Variants in DGKB observed in about 807,000 individuals in gnomAD.
The protein encoded by DGKB is 90 kDa diacylglycerol kinase.
DGKB carries 67 observed loss-of-function variants against 114.3 expected under a neutral mutation model. The ratio of observed to expected loss-of-function variants is 0.59; its 90% CI spans 0.48 to 0.72. The LOEUF is 0.72. Among genes scored for constraint, DGKB ranks in the 30% least tolerant of loss-of-function variants. DGKB has a pLI of 0.00. For synonymous variants in DGKB, 398 were observed against 323.1 expected (o/e 1.23, Z -2.49); for missense variants, 907 against 975.2 (o/e 0.93, Z 0.93).
chr7:14,713,973 TGATG>T (rs1285740801), intron 6 of DGKB, among the ~76,000 whole-genome samples: 1 of 151,958 alleles, frequency 6.6e-6, no homozygotes, highest in Non-Finnish European at 1.5e-5. Context: ...CTTAAATAGT[TGATG>T]TTATTTTTAT....
chr7:14,207,232 T>C lies in DGKB; in HGVS notation c.2123-29081A>G, dbSNP rs193286774. ...CAACATATGATCCGATAGCACCTGATCCCTCAGACTGTAATCTATCAGAGT... is the reference window on the plus strand; with the variant it reads ...CAACATATGATCCGATAGCACCTGACCCCTCAGACTGTAATCTATCAGAGT... On this transcript the variant is annotated intron_variant, in intron 23 of 25. Coordinates refer to ENST00000402815, the MANE Select transcript of DGKB (RefSeq NM_001350709.2). Among the ~76,000 whole-genome samples, 8 of 152,180 alleles carry C rather than the reference T, an allele frequency of 5.3e-5. No homozygotes were observed. In the East Asian group the frequency reaches 1.4e-3, roughly 26 times the overall value.
chr7:14,440,899 C>T (rs1829998503), intron 21 of DGKB, among the ~76,000 whole-genome samples: 1 of 148,238 alleles, frequency 6.7e-6, no homozygotes, highest in South Asian at 2.2e-4. Context: ...GGTAAGATAC[C>T]ATTTTTAGTA....
intron 9 of DGKB, among the ~76,000 whole-genome samples, chr7:14,685,611 G>A (rs1427342711): frequency 1.3e-5 from 2 of 152,104 alleles, no homozygotes; most frequent in Non-Finnish European, 2.9e-5. Flanking sequence ...GCTCAACAGC[G>A]TACCCCAAGC....
At chr7:14,965,101 T>G (rs1787078198) in intron 1 of DGKB, among the ~76,000 whole-genome samples, 1 of 152,100 alleles carries the variant, frequency 6.6e-6, no homozygotes, top group African/African-American at 2.4e-5. Flanking sequence ...GAATATAAGG[T>G]ACAGGGCTAG....
rs370492045 is a variant in DGKB at position 14,613,322 on chromosome 7, A to G, written c.1358+18T>C. 23 of 1,521,198 alleles carry G rather than the reference A, an allele frequency of 1.5e-5. No homozygotes were observed. Among genetic ancestry groups the G allele is most frequent in the Non-Finnish European group, 1.9e-5 (21 of 1,118,366 alleles). The allele number at this position is 1,521,198 out of a possible 1,614,324, so 94.2% of individuals were successfully genotyped here. On this transcript the variant is annotated intron_variant, in intron 16 of 25. Transcript: ENST00000402815. The stretch of plus-strand genomic sequence containing the variant: ...ACATATACATGACATAGACACTAAA[A>G]TCAATCAAAAAACATACCGTTCTCC...
At chr7:14,405,222 C>T (rs946596956) in intron 21 of DGKB, among the ~76,000 whole-genome samples, 1 of 151,942 alleles carries the variant, frequency 6.6e-6, no homozygotes, top group East Asian at 1.9e-4. Context: ...TATTCTTCTA[C>T]ATAACCTTGT....
chr7:14,950,381 A>G (rs1456275428), intron 1 of DGKB, among the ~76,000 whole-genome samples: 1 of 151,960 alleles, frequency 6.6e-6, no homozygotes, highest in African/African-American at 2.4e-5. Flanking sequence ...AAGCTTCACC[A>G]GCCAGAAGAA....
intron 23 of DGKB, among the ~76,000 whole-genome samples, chr7:14,280,528 C>T (rs1194430094): frequency 3.4e-5 from 5 of 147,954 alleles, no homozygotes; most frequent in African/African-American, 1.2e-4. Flanking sequence ...AGATACTCCT[C>T]GAGAAGAGCA....
intron 22 of DGKB, among the ~76,000 whole-genome samples, chr7:14,340,443 A>C (rs1056073525): frequency 6.6e-6 from 1 of 151,454 alleles, no homozygotes; most frequent in African/African-American, 2.4e-5. Flanking sequence ...TTTTAACCTT[A>C]TTTGCATGCA....
intron 1 of DGKB, among the ~76,000 whole-genome samples, chr7:14,871,993 T>C (rs1273650863): frequency 2.0e-5 from 3 of 152,162 alleles, no homozygotes; most frequent in Non-Finnish European, 4.4e-5. Flanking sequence ...AATACAGCGA[T>C]CTTCAAGACA....
chr7:14,289,972 G>A (rs974991635), intron 23 of DGKB, among the ~76,000 whole-genome samples: 1 of 152,064 alleles, frequency 6.6e-6, no homozygotes, highest in Non-Finnish European at 1.5e-5. Context: ...CTCATTACTT[G>A]ACACTCAAGA....
At chr7:14,368,626 C>T (rs1036030858) in intron 21 of DGKB, among the ~76,000 whole-genome samples, 13 of 150,704 alleles carry the variant, frequency 8.6e-5, no homozygotes, top group Non-Finnish European at 1.8e-4. Flanking sequence ...TGTAAATACA[C>T]AAACAGATAT....
intron 21 of DGKB, among the ~76,000 whole-genome samples, chr7:14,407,858 A>G (rs1050730827): frequency 1.3e-5 from 2 of 152,038 alleles, no homozygotes; most frequent in African/African-American, 4.8e-5. Context: ...AGAGAGATAG[A>G]ATAGACAGAA....
chr7:14,730,901 C>G (rs1297529726), intron 5 of DGKB, among the ~76,000 whole-genome samples: 1 of 152,058 alleles, frequency 6.6e-6, no homozygotes, highest in African/African-American at 2.4e-5. Flanking sequence ...ACAGTGAAGG[C>G]CTGAAATTTA....
chr7:14,390,862 C>T (rs1821204576), intron 21 of DGKB, among the ~76,000 whole-genome samples: 1 of 152,058 alleles, frequency 6.6e-6, no homozygotes. Flanking sequence ...AATATGTATG[C>T]AACATATACT....
At chr7:14,463,943 G>A (rs561090612) in intron 21 of DGKB, among the ~76,000 whole-genome samples, 1 of 151,630 alleles carries the variant, frequency 6.6e-6, no homozygotes, top group African/African-American at 2.4e-5. Context: ...GTTTACAACT[G>A]TTTATTAGGC....
In DGKB at chr7:14,598,920, A is replaced by G. The variant is rs1209904624; in HGVS notation, c.1433+8514T>C. On this transcript the variant is annotated intron_variant, in intron 17 of 25. Coordinates refer to ENST00000402815, the MANE Select transcript of DGKB (RefSeq NM_001350709.2). ...ATTGGTATATTTGTGACCCTTTGCA[A>G]CTCTCAGGGAGCTGTGAGGTCCAGG... Among the ~76,000 whole-genome samples the G allele has an allele frequency of 3.3e-5, 5 of 151,998 alleles. No individual in the cohort carries two copies. The East Asian group carries it at 9.7e-4, about 29-fold the overall frequency.
chr7:14,611,625 G>A (rs543485735), intron 16 of DGKB, among the ~76,000 whole-genome samples: 140 of 152,024 alleles, frequency 9.2e-4, no homozygotes, highest in Admixed American at 2.4e-3. Flanking sequence ...CAAAACACAC[G>A]TGGATGTGTA....
At chr7:14,666,600 C>T (rs111926672) in intron 13 of DGKB, among the ~76,000 whole-genome samples, 35 of 151,934 alleles carry the variant, frequency 2.3e-4, no homozygotes, top group African/African-American at 7.2e-4. Context: ...GGTTAATGGC[C>T]TTTTATAAAT....
Sources: allele counts gnomAD v4.1 joint callset (sites outside exome capture counted in the v4.1 genomes callset), GRCh38; gene constraint gnomAD v4.1.1; transcripts MANE v1.5; gene names NCBI Gene and HGNC (gene_info 2026-07-23, HGNC 2026-07-21).